The following TBL1Y variants were observed in gnomAD, a reference collection of about 807,000 sequenced individuals.
TBL1Y encodes the protein transducin beta like 1 Y-linked.
A neutral mutation model predicts 12.0 loss-of-function variants in TBL1Y; 15 were observed. The ratio of observed to expected loss-of-function variants is 1.25; its 90% CI spans 0.83 to 1.92. TBL1Y has a LOEUF of 1.92. TBL1Y is among the 40% of genes most tolerant of loss of function. The pLI is 0.00. For synonymous variants in TBL1Y, 53 were observed against 42.6 expected (o/e 1.24, Z -0.95); for missense variants, 148 against 116.7 (o/e 1.27, Z -1.24).
intron 4 of TBL1Y, among the ~76,000 whole-genome samples, chrY:7,001,706 T>C (rs928926109): frequency 6.0e-5 from 2 of 33,448 alleles, no homozygotes; most frequent in Non-Finnish European, 1.5e-4. Flanking sequence ...TGACTGGAGG[T>C]TTTTAATTTG....
At chrY:6,997,361 C>T in intron 4 of TBL1Y, among the ~76,000 whole-genome samples, 1 of 32,033 alleles carries the variant, frequency 3.1e-5, no homozygotes, top group Non-Finnish European at 7.6e-5. Flanking sequence ...AACCTTGCAA[C>T]GAGTCAAGAT....
intron 2 of TBL1Y, among the ~76,000 whole-genome samples, chrY:6,948,668 C>CT (rs2012002291): frequency 4.6e-5 from 1 of 21,637 alleles, no homozygotes; most frequent in Non-Finnish European, 1.0e-4. Flanking sequence ...GTGCTTGACT[C>CT]TGTCAAAAAA....
chrY:7,064,867 G>A, intron 8 of TBL1Y, among the ~76,000 whole-genome samples: 4 of 33,506 alleles, frequency 1.2e-4, no homozygotes, highest in African/African-American at 4.7e-4. Flanking sequence ...TTTAATGAAA[G>A]CTCTCCTAGA....
chrY:7,030,877 A>G, intron 6 of TBL1Y, among the ~76,000 whole-genome samples: 1 of 33,035 alleles, frequency 3.0e-5, no homozygotes. Context: ...ACATAGGCCA[A>G]TAGATTGATA....
intron 2 of TBL1Y, among the ~76,000 whole-genome samples, chrY:6,977,858 C>A (rs751981157): frequency 9.1e-5 from 3 of 33,029 alleles, no homozygotes; most frequent in Middle Eastern, 0.014. Flanking sequence ...TTCACCACCA[C>A]CCAAATAGGC....
chrY:7,051,982 G>A, intron 7 of TBL1Y, among the ~76,000 whole-genome samples: 2 of 34,146 alleles, frequency 5.9e-5, no homozygotes, highest in Non-Finnish European at 1.5e-4. Context: ...GGAGACATCA[G>A]ACATTAATCA....
Position 7,064,143 on chromosome Y carries a change from G to A in TBL1Y, c.451G>A (p.Glu151Lys). The A allele has an allele frequency of 2.5e-6, 1 of 398,549 alleles. No homozygotes were observed. Among genetic ancestry groups the A allele is most frequent in the Non-Finnish European group, 3.5e-6 (1 of 283,511 alleles). ...TVNGEENGAH[E>K]INNHSKPMEI... ...GAACGGGGAAGAGAATGGAGCACAT[G>A]AAATCAGTGAGTGCGCAGGCTCTGG... The change falls in exon 8 of 19, where the codon GAA becomes AAA. Residue 151 changes from glutamate to lysine, a missense_variant. Glu to Lys is a moderately conservative substitution (Grantham distance 56). Transcript: ENST00000383032.
At chrY:7,059,861 G>A (rs2012847776) in intron 7 of TBL1Y, among the ~76,000 whole-genome samples, 1 of 33,149 alleles carries the variant, frequency 3.0e-5, no homozygotes, top group East Asian at 7.8e-4. Flanking sequence ...CTTTATATTA[G>A]GGTGTTATTA....
intron 2 of TBL1Y, among the ~76,000 whole-genome samples, chrY:6,923,988 A>G (rs2011803719): frequency 3.1e-5 from 1 of 32,286 alleles, no homozygotes; most frequent in Non-Finnish European, 7.5e-5. Flanking sequence ...TAAAAAAAAA[A>G]ATTCTTAATT....
At position 6,992,001 on chromosome Y, in the gene TBL1Y, T is replaced by C. The variant is rs574183411; in HGVS notation, c.-234-3803T>C. ...TCCATGCAGAGCCTGTACTTCTGCC[T>C]GGTCCAGGTGTATGCCACACTGGGC... is the stretch of plus-strand genomic sequence containing the variant. On this transcript the variant is annotated intron_variant, in intron 3 of 18. Transcript: ENST00000383032. 4.1e-4 allele frequency among the ~76,000 whole-genome samples: 14 copies of C among 34,182 alleles called. No homozygotes were observed. In the East Asian group the frequency reaches 0.011, roughly 27 times the overall value. 91.7% of individuals were successfully genotyped at this position (34,182 alleles called of 37,273 possible). A position where few individuals can be genotyped will look rare whatever the true frequency, so the allele number is the denominator to read the frequency against.
intron 2 of TBL1Y, among the ~76,000 whole-genome samples, chrY:6,958,874 T>C (rs896018801): frequency 1.5e-4 from 5 of 33,855 alleles, no homozygotes; most frequent in East Asian, 7.9e-4. Context: ...GGTTTTATAC[T>C]GAGATGTTCA....
intron 2 of TBL1Y, among the ~76,000 whole-genome samples, chrY:6,925,540 T>C (rs2124096175): frequency 6.0e-5 from 2 of 33,584 alleles, no homozygotes; most frequent in East Asian, 1.6e-3. Context: ...CACCTCAGCC[T>C]CCCAAGTAGC....
chrY:7,088,413 A>G, intron 17 of TBL1Y, among the ~76,000 whole-genome samples: 6 of 31,995 alleles, frequency 1.9e-4, no homozygotes, highest in Non-Finnish European at 4.5e-4. Flanking sequence ...AGCAATGTTC[A>G]CTGGCAAGGG....
At chrY:6,919,869 G>A in intron 2 of TBL1Y, 3 of 33,785 alleles carry the variant, frequency 8.9e-5, no homozygotes. Context: ...CTTCTGCAGA[G>A]GTAAACTTTG....
intron 8 of TBL1Y, among the ~76,000 whole-genome samples, chrY:7,065,226 G>A (rs2012971170): frequency 3.0e-5 from 1 of 33,112 alleles, no homozygotes; most frequent in Non-Finnish European, 7.4e-5. Context: ...ATTGAATCAT[G>A]GGGGGTAGTT....
At position 7,016,936 on chromosome Y, in the gene TBL1Y, C is replaced by T; in HGVS notation, c.-139-4513C>T. Among the ~76,000 whole-genome samples the T allele has an allele frequency of 8.8e-5, 3 of 34,053 alleles. No individual in the cohort carries two copies. The East Asian group carries it at 2.3e-3, about 27-fold the overall frequency. The allele number at this position is 34,053 out of a possible 37,273, so 91.4% of individuals were successfully genotyped here. On this transcript the variant is annotated intron_variant, in intron 4 of 18. Transcript: ENST00000383032. ...CCAAGGACTCGAATGCTCATAGTAGCATGGTTGACCCAAGCCAGGTGGCTG... is the reference window on the plus strand; with the variant it reads ...CCAAGGACTCGAATGCTCATAGTAGTATGGTTGACCCAAGCCAGGTGGCTG...
At chrY:6,933,211 A>G (rs1000632064) in intron 2 of TBL1Y, among the ~76,000 whole-genome samples, 33 of 33,569 alleles carry the variant, frequency 9.8e-4, no homozygotes, top group Admixed American at 5.5e-3. Context: ...TTTTCTGGAT[A>G]TTTTAGTGTT....
At chrY:7,056,430 T>C (rs990779470) in intron 7 of TBL1Y, among the ~76,000 whole-genome samples, 2 of 32,396 alleles carry the variant, frequency 6.2e-5, no homozygotes, top group Non-Finnish European at 7.5e-5. Context: ...GCTGGTTGAG[T>C]CTTTGTAGTG....
chrY:7,064,190 G>A (rs1400353004), intron 8 of TBL1Y, 41 bp downstream of exon 8: 3 of 393,761 alleles, frequency 7.6e-6, no homozygotes, highest in Non-Finnish European at 1.1e-5. Flanking sequence ...GCCTCTCTGG[G>A]TTCATTGTTT....
Sources: gnomAD v4.1 joint callset for allele counts (sites outside exome capture counted in the v4.1 genomes callset) on GRCh38, gnomAD v4.1.1 for gene constraint, MANE v1.5 for transcripts, NCBI Gene and HGNC (gene_info 2026-07-23, HGNC 2026-07-21) for gene names.